Variants in PXDNL observed in about 807,000 individuals in gnomAD.
PXDNL encodes the protein peroxidasin like, also known as probable oxidoreductase PXDNL.
A neutral mutation model predicts 150.8 loss-of-function variants in PXDNL; 145 were observed. That is an observed-to-expected ratio of 0.96 (90% CI 0.84 to 1.10). The LOEUF (loss-of-function observed/expected upper bound fraction) is 1.10, where lower values mean the gene tolerates loss of function less well. PXDNL is among the 50% of genes least tolerant of loss of function. The probability of loss-of-function intolerance (pLI) is 0.00; values close to 1 mark genes in which losing one functional copy is unlikely to be tolerated. For synonymous variants in PXDNL, 757 were observed against 725.7 expected (o/e 1.04, Z -0.69); for missense variants, 2,087 against 1,873.9 (o/e 1.11, Z -2.10).
At chr8:51,386,133 C>A (rs1392583948) in intron 17 of PXDNL, among the ~76,000 whole-genome samples, 2 of 151,806 alleles carry the variant, frequency 1.3e-5, no homozygotes, top group African/African-American at 4.8e-5. Flanking sequence ...TGCTCTGTCA[C>A]CCAGGCTAGA....
chr8:51,710,822 A>G (rs1311122253), intron 1 of PXDNL, among the ~76,000 whole-genome samples: 1 of 152,230 alleles, frequency 6.6e-6, no homozygotes, highest in Non-Finnish European at 1.5e-5. Flanking sequence ...AAATTTTAAC[A>G]TCTTTTTATA....
intron 1 of PXDNL, among the ~76,000 whole-genome samples, chr8:51,772,232 C>CTA (rs140234107): frequency 5.6e-5 from 8 of 142,398 alleles, no homozygotes; most frequent in Non-Finnish European, 7.5e-5. Context: ...CTCTCTCTCT[C>CTA]TATATACACA....
chr8:51,399,300 T>C (rs1457539997), intron 17 of PXDNL, among the ~76,000 whole-genome samples: 1 of 152,316 alleles, frequency 6.6e-6, no homozygotes, highest in East Asian at 1.9e-4. Context: ...ATCGCAGTTA[T>C]TCAGAAGAGA....
chr8:51,679,431 G>A (rs184502851), intron 1 of PXDNL, among the ~76,000 whole-genome samples: 21 of 152,306 alleles, frequency 1.4e-4, no homozygotes, highest in Middle Eastern at 3.4e-3. Context: ...TAGGTCTTGT[G>A]CAACCTTGAA....
intron 13 of PXDNL, among the ~76,000 whole-genome samples, chr8:51,425,816 C>T (rs917900460): frequency 5.3e-5 from 8 of 150,440 alleles, no homozygotes; most frequent in East Asian, 2.0e-4. Flanking sequence ...AGCGAGACTC[C>T]GTCTCAAAAA....
chr8:51,346,476 G>A (rs897495454), intron 19 of PXDNL, among the ~76,000 whole-genome samples: 5 of 152,158 alleles, frequency 3.3e-5, no homozygotes, highest in Non-Finnish European at 5.9e-5. Flanking sequence ...CAATCAAAAA[G>A]ATATGAGAAT....
intron 1 of PXDNL, among the ~76,000 whole-genome samples, chr8:51,703,535 C>A (rs1816301611): frequency 6.6e-6 from 1 of 152,110 alleles, no homozygotes; most frequent in African/African-American, 2.4e-5. Flanking sequence ...ATCTTGCAAA[C>A]TATTAATGTC....
chr8:51,619,170 T>G (rs1185978873), intron 2 of PXDNL, among the ~76,000 whole-genome samples: 1 of 152,130 alleles, frequency 6.6e-6, no homozygotes, highest in Admixed American at 6.5e-5. Context: ...AAGGTGGACA[T>G]AGAAACTAGA....
intron 19 of PXDNL, among the ~76,000 whole-genome samples, chr8:51,346,660 A>G (rs1055653298): frequency 2.0e-5 from 3 of 152,170 alleles, no homozygotes; most frequent in Admixed American, 1.3e-4. Flanking sequence ...TGTGCCTGCC[A>G]TAGTGAGTGA....
intron 3 of PXDNL, among the ~76,000 whole-genome samples, chr8:51,586,786 G>C (rs985147710): frequency 6.6e-6 from 1 of 152,204 alleles, no homozygotes. Flanking sequence ...TGTGCAAAAA[G>C]AGCAGCATTT....
intron 2 of PXDNL, among the ~76,000 whole-genome samples, chr8:51,610,349 T>A (rs1813972933): frequency 6.6e-6 from 1 of 152,150 alleles, no homozygotes; most frequent in South Asian, 2.1e-4. Context: ...TAAACTAGTG[T>A]GAAGGTTTTA....
At chr8:51,426,807 T>C in intron 12 of PXDNL, 49 bp from the exon 13 acceptor site, 1 of 1,089,102 alleles carries the variant, frequency 9.2e-7, no homozygotes, top group South Asian at 1.4e-5. Flanking sequence ...ATCATTTTTG[T>C]CAACATATGC....
At chr8:51,733,973 T>TAATAAACATAA (rs1816986134) in intron 1 of PXDNL, among the ~76,000 whole-genome samples, 2 of 151,710 alleles carry the variant, frequency 1.3e-5, no homozygotes, top group South Asian at 4.1e-4. Context: ...CATTTTATGT[T>TAATAAACATAA]AATAAACATC....
chr8:51,443,095 C>A (rs1218919833), intron 12 of PXDNL, among the ~76,000 whole-genome samples: 1 of 152,058 alleles, frequency 6.6e-6, no homozygotes, highest in African/African-American at 2.4e-5. Flanking sequence ...TGATCTCTGG[C>A]AACTTGTTTT....
At chr8:51,509,109 T>C (rs1225651276) in intron 4 of PXDNL, among the ~76,000 whole-genome samples, 1 of 152,128 alleles carries the variant, frequency 6.6e-6, no homozygotes, top group East Asian at 1.9e-4. Context: ...GCCATCCTTG[T>C]TGAGATAGTA....
chr8:51,630,989 A>T (rs1038042803), intron 2 of PXDNL, among the ~76,000 whole-genome samples: 8 of 152,190 alleles, frequency 5.3e-5, no homozygotes, highest in Non-Finnish European at 1.0e-4. Flanking sequence ...ACTTATGTTC[A>T]TCACAGCACT....
intron 14 of PXDNL, among the ~76,000 whole-genome samples, chr8:51,414,015 G>A (rs951722181): frequency 3.3e-5 from 5 of 152,006 alleles, no homozygotes; most frequent in African/African-American, 1.2e-4. Flanking sequence ...TTTTGGCACT[G>A]CTAAATATTG....
chr8:51,342,470 G>T (rs898724821), intron 20 of PXDNL, among the ~76,000 whole-genome samples: 6 of 151,976 alleles, frequency 3.9e-5, no homozygotes, highest in Admixed American at 2.6e-4. Flanking sequence ...AGGAAAAATG[G>T]TTCTTTCATC....
chr8:51,505,900 T>C (rs550707500), intron 4 of PXDNL, among the ~76,000 whole-genome samples: 72 of 152,240 alleles, frequency 4.7e-4, no homozygotes, highest in Non-Finnish European at 9.4e-4. Flanking sequence ...AGGCACGCTT[T>C]AGCTTCATTG....
Sources: allele counts gnomAD v4.1 joint callset (sites outside exome capture counted in the v4.1 genomes callset), GRCh38; gene constraint gnomAD v4.1.1; transcripts MANE v1.5; gene names NCBI Gene and HGNC (gene_info 2026-07-23, HGNC 2026-07-21).